Variants in NCAM2 observed in about 807,000 individuals in gnomAD.
NCAM2 encodes N-CAM-2.
A neutral mutation model predicts 98.1 loss-of-function variants in NCAM2; 30 were observed. The observed-to-expected ratio is 0.31, with a 90% CI of 0.23 to 0.41. NCAM2 has a LOEUF of 0.41. NCAM2 is among the 10% of genes least tolerant of loss of function. The pLI is 1.00. For synonymous variants in NCAM2, 368 were observed against 342.4 expected, an observed-to-expected ratio of 1.07 and a Z score of -0.83; for missense variants, 867 against 1,005.8, an observed-to-expected ratio of 0.86 and a Z score of 1.87.
chr21:21,480,366 C>CAAAAAAAAAAAAAAAAAAAAAAAAAAAAA (rs59203448), intron 15 of NCAM2, among the ~76,000 whole-genome samples: 1 of 69,946 alleles, frequency 1.4e-5, no homozygotes, highest in African/African-American at 6.0e-5. Context: ...GACTCCATCT[C>CAAAAAAAAAAAAAAAAAAAAAAAAAAAAA]AAAAAAAAAA....
rs1483880093 is a variant in NCAM2, at chr21:21,335,588, G to A, written c.821G>A (p.Ser274Asn). ...TELTVRNIINSDGGPYVCRAT... is the reference protein window; with the variant it reads ...TELTVRNIINNDGGPYVCRAT... ...CTCACTGTCAGGAACATAATCAATA[G>A]TGATGGTGGTCCTTATGTCTGCAGG... The change falls in exon 7 of 18, where the codon AGT (serine) becomes AAT (asparagine). Residue 274 changes from serine to asparagine, a missense_variant. By Grantham distance (46) the Ser-to-Asn change is conservative. Transcript: ENST00000400546. 2 of 1,611,896 alleles carry A rather than the reference G, an allele frequency of 1.2e-6. No individual in the cohort carries two copies. The highest frequency in any genetic ancestry group is 1.3e-5 in the African/African-American group (1 of 74,880).
chr21:21,142,446 T>C (rs1344171027), intron 1 of NCAM2, among the ~76,000 whole-genome samples: 1 of 142,630 alleles, frequency 7.0e-6, no homozygotes, highest in Non-Finnish European at 1.5e-5. Flanking sequence ...TGGCGCAATC[T>C]CGGCTCACTG....
At chr21:21,509,949 C>T (rs552404997) in intron 16 of NCAM2, among the ~76,000 whole-genome samples, 1 of 152,098 alleles carries the variant, frequency 6.6e-6, no homozygotes, top group African/African-American at 2.4e-5. Flanking sequence ...CAGGACATTC[C>T]CTTTATTATT....
At chr21:21,501,526 A>G (rs568547067) in intron 15 of NCAM2, among the ~76,000 whole-genome samples, 2 of 151,852 alleles carry the variant, frequency 1.3e-5, no homozygotes, top group African/African-American at 4.8e-5. Flanking sequence ...TATTAATTCT[A>G]TTTTAGTACA....
intron 1 of NCAM2, among the ~76,000 whole-genome samples, chr21:21,029,855 C>T (rs2064639638): frequency 6.6e-6 from 1 of 152,084 alleles, no homozygotes; most frequent in Non-Finnish European, 1.5e-5. Flanking sequence ...TGGTCTCAAT[C>T]TCCTGACCTC....
At chr21:21,102,664 T>C (rs1190258138) in intron 1 of NCAM2, among the ~76,000 whole-genome samples, 1 of 2,084 alleles carries the variant, frequency 4.8e-4, no homozygotes, top group African/African-American at 2.1e-3. Context: ...TGTTAACATA[T>C]GATTTTTTAA....
chr21:21,352,241 G>C (rs1221676729), intron 8 of NCAM2, among the ~76,000 whole-genome samples: 2 of 151,852 alleles, frequency 1.3e-5, no homozygotes, highest in African/African-American at 4.8e-5. Flanking sequence ...AATTTTTGTA[G>C]GTTTCTATTT....
chr21:21,303,767 C>T (rs1414763544), intron 5 of NCAM2, among the ~76,000 whole-genome samples: 1 of 152,132 alleles, frequency 6.6e-6, no homozygotes, highest in Non-Finnish European at 1.5e-5. Context: ...ACTTGCTCCA[C>T]ATCCTCACCA....
At chr21:21,259,986 G>A (rs1318889964) in intron 1 of NCAM2, among the ~76,000 whole-genome samples, 2 of 147,118 alleles carry the variant, frequency 1.4e-5, no homozygotes. Flanking sequence ...GGATGTGAAA[G>A]ACAAGATAGC....
At chr21:21,238,256 C>T (rs2070923085) in intron 1 of NCAM2, among the ~76,000 whole-genome samples, 1 of 151,912 alleles carries the variant, frequency 6.6e-6, no homozygotes. Context: ...CGCGACCACC[C>T]AAAACAGTAT....
rs538556297 is a variant in NCAM2 at position 21,260,090 on chromosome 21, A to T, written c.56-20488A>T. Among the ~76,000 whole-genome samples the T allele has an allele frequency of 5.3e-5, 8 of 151,788 alleles. No individual in the cohort carries two copies. In the South Asian group the frequency reaches 1.5e-3, roughly 28 times the overall value. ...ATGAGCAATAGAATAGATCAAGCAG[A>T]AGAAACAATTTTAGAGATTGAAGAG... On this transcript the variant is annotated intron_variant, in intron 1 of 17. Transcript: ENST00000400546.
chr21:21,335,338 C>T (rs909538368), intron 6 of NCAM2, among the ~76,000 whole-genome samples, 167 bp from the exon 7 acceptor site: 14 of 151,866 alleles, frequency 9.2e-5, no homozygotes, highest in African/African-American at 2.7e-4. Context: ...ATTGTTTATT[C>T]GTTAAGTTCT....
intron 16 of NCAM2, among the ~76,000 whole-genome samples, chr21:21,524,524 C>G (rs1318582120): frequency 1.4e-5 from 2 of 146,760 alleles, no homozygotes; most frequent in African/African-American, 5.0e-5. Flanking sequence ...GAGCGAAACT[C>G]TGTAACAAAA....
intron 15 of NCAM2, among the ~76,000 whole-genome samples, chr21:21,478,402 A>G (rs1400997847): frequency 1.3e-5 from 2 of 152,070 alleles, no homozygotes; most frequent in Admixed American, 1.3e-4. Flanking sequence ...GTATAGATAT[A>G]TAATATTTTT....
chr21:21,244,747 T>C (rs776508903), intron 1 of NCAM2, among the ~76,000 whole-genome samples: 2 of 148,208 alleles, frequency 1.3e-5, no homozygotes, highest in Non-Finnish European at 3.0e-5. Flanking sequence ...CTCAGGAGTC[T>C]GAGGCAGGAG....
At chr21:21,207,021 G>A (rs1410825980) in intron 1 of NCAM2, among the ~76,000 whole-genome samples, 2 of 151,978 alleles carry the variant, frequency 1.3e-5, no homozygotes, top group East Asian at 1.9e-4. Flanking sequence ...AACCACATCC[G>A]TTCACATTTT....
intron 8 of NCAM2, among the ~76,000 whole-genome samples, chr21:21,356,492 T>C (rs1028840871): frequency 1.3e-5 from 2 of 152,106 alleles, no homozygotes; most frequent in African/African-American, 4.8e-5. Flanking sequence ...CATTATATTT[T>C]TTGTTTCTTT....
intron 4 of NCAM2, among the ~76,000 whole-genome samples, chr21:21,288,765 G>T (rs907025411): frequency 2.0e-5 from 3 of 151,796 alleles, no homozygotes; most frequent in Admixed American, 6.6e-5. Context: ...TTAGAATAAT[G>T]CCACGGACCC....
At chr21:21,368,345 A>G (rs1043596270) in intron 8 of NCAM2, among the ~76,000 whole-genome samples, 1 of 151,702 alleles carries the variant, frequency 6.6e-6, no homozygotes, top group Non-Finnish European at 1.5e-5. Context: ...CCACCTTAAT[A>G]TATTTCTGGA....
Sources: gnomAD v4.1 joint callset for allele counts (sites outside exome capture counted in the v4.1 genomes callset) on GRCh38, gnomAD v4.1.1 for gene constraint, MANE v1.5 for transcripts, NCBI Gene and HGNC (gene_info 2026-07-23, HGNC 2026-07-21) for gene names.